The following CFAP57 variants were observed in gnomAD, a reference collection of about 807,000 sequenced individuals.
CFAP57 encodes cilia- and flagella-associated protein 57.
A neutral mutation model predicts 146.8 loss-of-function variants in CFAP57; 116 were observed. The ratio of observed to expected loss-of-function variants is 0.79; its 90% CI spans 0.68 to 0.92. The LOEUF (loss-of-function observed/expected upper bound fraction) is 0.92, where lower values mean the gene tolerates loss of function less well. CFAP57 is among the 40% of genes least tolerant of loss of function. The probability of loss-of-function intolerance (pLI) is 0.00; values close to 1 mark genes in which losing one functional copy is unlikely to be tolerated. For missense variants in CFAP57, 1,377 were observed against 1,527.2 expected, an observed-to-expected ratio of 0.90 and a Z score of 1.64; for synonymous variants, 518 against 552.8, an observed-to-expected ratio of 0.94 and a Z score of 0.88.
At chr1:43,249,597 CTTTTTT>C (rs35050145) in intron 22 of CFAP57, among the ~76,000 whole-genome samples, 1 of 52,650 alleles carries the variant, frequency 1.9e-5, no homozygotes, top group Non-Finnish European at 3.5e-5. Flanking sequence ...ACCCAGCTAA[CTTTTTT>C]TTTTTTTTTT....
chr1:43,189,987 AC>A (rs1236924593), intron 6 of CFAP57, among the ~76,000 whole-genome samples: 1 of 152,208 alleles, frequency 6.6e-6, no homozygotes, highest in Non-Finnish European at 1.5e-5. Flanking sequence ...ACCAGGTCCC[AC>A]CTTCAACACT....
intron 6 of CFAP57, among the ~76,000 whole-genome samples, chr1:43,195,694 G>T (rs1050500959): frequency 2.0e-5 from 3 of 152,156 alleles, no homozygotes; most frequent in Non-Finnish European, 2.9e-5. Flanking sequence ...TATACATACT[G>T]CAACATAGAT....
intron 22 of CFAP57, among the ~76,000 whole-genome samples, chr1:43,248,138 C>CAAA (rs35277187): frequency 6.8e-4 from 37 of 54,780 alleles, no homozygotes; most frequent in African/African-American, 1.1e-3. Context: ...GACTCTGTCT[C>CAAA]AAAAAAAAAA....
chr1:43,178,354 C>T (rs1645250480), intron 2 of CFAP57, among the ~76,000 whole-genome samples: 1 of 152,110 alleles, frequency 6.6e-6, no homozygotes, highest in African/African-American at 2.4e-5. Flanking sequence ...AACAGGCAAC[C>T]TACAGAATGG....
intron 12 of CFAP57, among the ~76,000 whole-genome samples, chr1:43,217,437 T>A (rs1327757851): frequency 2.0e-5 from 3 of 152,014 alleles, no homozygotes; most frequent in Admixed American, 1.3e-4. Context: ...ACCCCTGGGA[T>A]CATTGATAAG....
At chr1:43,213,610 G>GT (rs1293530778) in intron 11 of CFAP57, among the ~76,000 whole-genome samples, 3 of 151,692 alleles carry the variant, frequency 2.0e-5, no homozygotes, top group Non-Finnish European at 4.4e-5. Context: ...TCTATTTTTA[G>GT]TTTTTTTGAG....
chr1:43,238,418 A>G lies in CFAP57; in HGVS notation c.3405+3780A>G, dbSNP rs1298721197. On this transcript the variant is annotated intron_variant, in intron 21 of 22. Coordinates refer to ENST00000372492, the MANE Select transcript of CFAP57 (RefSeq NM_001378189.1). The surrounding 1 kb of genome is among the most constrained non-coding windows in gnomAD (Gnocchi z 4.3). ...CCCCTTTGCTTAGAAAGCTTTTTAC[A>G]TAAACAGTTTCACATCCCCCAAGAC... 9.8e-5 allele frequency among the ~76,000 whole-genome samples: 15 copies of G among 152,286 alleles called. No individual in the cohort carries two copies. Among genetic ancestry groups the G allele is most frequent in the Admixed American group, 9.8e-4 (15 of 15,300 alleles).
At chr1:43,199,616 T>A in intron 9 of CFAP57, 113 bp downstream of exon 9, 1 of 929,928 alleles carries the variant, frequency 1.1e-6, no homozygotes, top group South Asian at 1.3e-5. Context: ...ATGGGTTCAC[T>A]GTCTACTTGG....
intron 22 of CFAP57, among the ~76,000 whole-genome samples, chr1:43,253,634 T>C (rs954555284): frequency 2.0e-5 from 3 of 151,796 alleles, no homozygotes; most frequent in Non-Finnish European, 4.4e-5. Context: ...GAAGCCAACA[T>C]AGGTCAGGAG....
chr1:43,248,190 T>C (rs1646186739), intron 22 of CFAP57, among the ~76,000 whole-genome samples: 1 of 147,976 alleles, frequency 6.8e-6, no homozygotes, highest in African/African-American at 2.5e-5. Context: ...CAAAAATTCA[T>C]CATACAAAAT....
intron 9 of CFAP57, among the ~76,000 whole-genome samples, chr1:43,204,953 C>T (rs632866): frequency 3.3e-5 from 5 of 152,016 alleles, no homozygotes; most frequent in Admixed American, 2.0e-4. Flanking sequence ...CTTAATGTTC[C>T]GCATTTGGTA....
intron 11 of CFAP57, among the ~76,000 whole-genome samples, chr1:43,213,932 G>C (rs1163501811): frequency 1.3e-5 from 2 of 150,372 alleles, no homozygotes; most frequent in Non-Finnish European, 3.0e-5. Flanking sequence ...TGTCACCCAG[G>C]ATGGAGTGCA....
chr1:43,231,753 A>G (rs141130535), intron 18 of CFAP57, among the ~76,000 whole-genome samples: 1 of 151,806 alleles, frequency 6.6e-6, no homozygotes, highest in African/African-American at 2.4e-5. Context: ...CTGTAATCCC[A>G]GCTACTCGGG....
chr1:43,174,021 TC>T (rs1443777337), intron 2 of CFAP57, among the ~76,000 whole-genome samples: 2 of 152,242 alleles, frequency 1.3e-5, no homozygotes, highest in Non-Finnish European at 2.9e-5. Context: ...ATGATGAGTA[TC>T]TGTTTATGGG....
intron 2 of CFAP57, among the ~76,000 whole-genome samples, chr1:43,179,356 C>T (rs1054393275): frequency 6.6e-6 from 1 of 152,066 alleles, no homozygotes; most frequent in Admixed American, 6.5e-5. Flanking sequence ...TCAGCTGGGT[C>T]GAAACAATGC....
chr1:43,179,341 A>G (rs1645297646), intron 2 of CFAP57, among the ~76,000 whole-genome samples: 1 of 152,230 alleles, frequency 6.6e-6, no homozygotes, highest in African/African-American at 2.4e-5. Flanking sequence ...AGGAGAGGCG[A>G]GGCATCAGCT....
intron 22 of CFAP57, among the ~76,000 whole-genome samples, chr1:43,244,491 T>C (rs1381738462): frequency 6.6e-6 from 1 of 152,230 alleles, no homozygotes; most frequent in Non-Finnish European, 1.5e-5. Context: ...ATAATTTTGT[T>C]GTCTTGTGCA....
In CFAP57 at chr1:43,219,515, A is replaced by G; in HGVS notation, c.2225A>G (p.Glu742Gly). The G allele has an allele frequency of 7.1e-6, 11 of 1,550,548 alleles. No homozygotes were observed. Among genetic ancestry groups the G allele is most frequent in the Non-Finnish European group, 8.7e-6 (10 of 1,146,966 alleles). ...ACAGACAAGTTCATCCAGGAAATGG[A>G]GTCCTTGAAAACAAAAAACCAGGTC... is the stretch of plus-strand genomic sequence containing the variant. ...ELTDKFIQEM[E>G]SLKTKNQVLR... The change falls in exon 13 of 23, where the codon GAG (glutamate) becomes GGG (glycine). Residue 742 changes from glutamate (E) to glycine (G), a missense_variant. Coordinates refer to ENST00000372492, the MANE Select transcript of CFAP57 (RefSeq NM_001378189.1).
In CFAP57 at chr1:43,172,380, C is replaced by G. The variant is rs1164986478; in HGVS notation, c.-93C>G. ...AACCGCTACGGCGTTTGAAAGTGTC[C>G]GGGTTGCTTAGGATCCCTACAGGTA... On this transcript the variant is annotated 5_prime_UTR_variant, in exon 1 of 23. Coordinates refer to ENST00000372492, the MANE Select transcript of CFAP57 (RefSeq NM_001378189.1). The G allele has an allele frequency of 1.9e-6, 3 of 1,551,480 alleles. No individual in the cohort carries two copies. Among genetic ancestry groups the G allele is most frequent in the East Asian group, 2.4e-5 (1 of 40,894 alleles).
Sources: allele counts gnomAD v4.1 joint callset (sites outside exome capture counted in the v4.1 genomes callset), GRCh38; gene constraint gnomAD v4.1.1; non-coding constraint Gnocchi (gnomAD v3.1); transcripts MANE v1.5; gene names NCBI Gene and HGNC (gene_info 2026-07-23, HGNC 2026-07-21).